PRDM5: variants seen among roughly 807,000 people sequenced by gnomAD.
PRDM5 encodes the protein PR/SET domain 5, also known as PR domain zinc finger protein 5.
In PRDM5, 56 loss-of-function variants were observed where a neutral mutation model predicts 81.2. The observed-to-expected ratio is 0.69, with a 90% confidence interval of 0.56 to 0.86. The LOEUF (loss-of-function observed/expected upper bound fraction) is 0.86, where lower values mean the gene tolerates loss of function less well. PRDM5 is among the 40% of genes least tolerant of loss of function. The probability of loss-of-function intolerance (pLI) is 0.00; values close to 1 mark genes in which losing one functional copy is unlikely to be tolerated. For synonymous variants in PRDM5, 267 were observed against 256.4 expected (o/e 1.04, Z -0.39); for missense variants, 697 against 770.1 (o/e 0.91, Z 1.12).
chr4:120,746,937 T>C (rs1182377216), intron 14 of PRDM5, among the ~76,000 whole-genome samples: 1 of 151,156 alleles, frequency 6.6e-6, no homozygotes, highest in African/African-American at 2.5e-5. Context: ...TTACTGGGTA[T>C]ATACCCAAAG....
At chr4:120,861,128 C>T (rs1376101) in intron 2 of PRDM5, among the ~76,000 whole-genome samples, 17,852 of 152,168 alleles carry the variant, frequency 0.12, 1,286 homozygotes, top group East Asian at 0.17. Context: ...CAGCCTCAGC[C>T]TCCCGAGTAG....
chr4:120,808,158 T>C (rs1468523039), intron 8 of PRDM5, among the ~76,000 whole-genome samples: 1 of 152,164 alleles, frequency 6.6e-6, no homozygotes, highest in Non-Finnish European at 1.5e-5. Flanking sequence ...GGGTTGCCAC[T>C]GCTGGCTGGG....
At chr4:120,755,392 T>G (rs897759781) in intron 13 of PRDM5, among the ~76,000 whole-genome samples, 1 of 152,240 alleles carries the variant, frequency 6.6e-6, no homozygotes, top group Admixed American at 6.5e-5. Flanking sequence ...TCAAAATCAC[T>G]AATTGATTTA....
At chr4:120,778,020 C>T (rs1267588441) in intron 12 of PRDM5, among the ~76,000 whole-genome samples, 1 of 151,964 alleles carries the variant, frequency 6.6e-6, no homozygotes, top group Non-Finnish European at 1.5e-5. Context: ...GTTTTGCTCC[C>T]AACATAAAAA....
intron 2 of PRDM5, among the ~76,000 whole-genome samples, chr4:120,854,899 G>T (rs991154501): frequency 6.6e-6 from 1 of 151,904 alleles, no homozygotes; most frequent in Admixed American, 6.6e-5. Context: ...AAGGAGAAAG[G>T]CCTTCGGTTT....
intron 1 of PRDM5, among the ~76,000 whole-genome samples, chr4:120,908,075 A>G (rs1219961542): frequency 6.6e-6 from 1 of 152,224 alleles, no homozygotes; most frequent in Non-Finnish European, 1.5e-5. Context: ...CACACTTTAA[A>G]CCATGCTTTC....
intron 7 of PRDM5, among the ~76,000 whole-genome samples, chr4:120,812,026 C>T (rs540729542): frequency 1.3e-5 from 2 of 152,208 alleles, no homozygotes; most frequent in South Asian, 2.1e-4. Flanking sequence ...ACCCCCTCCC[C>T]GCTACCCTTC....
At chr4:120,783,794 G>A (rs1578719320) in intron 11 of PRDM5, among the ~76,000 whole-genome samples, 1 of 151,990 alleles carries the variant, frequency 6.6e-6, no homozygotes, top group Non-Finnish European at 1.5e-5. Context: ...GCATAACACT[G>A]CCTTTTTTTA....
Position 120,781,132 on chromosome 4 carries a change from C to T in PRDM5, c.1443+11G>A, listed in dbSNP as rs1229021075. On this transcript the variant is annotated intron_variant, in intron 12 of 15. Coordinates refer to ENST00000264808, the MANE Select transcript of PRDM5 (RefSeq NM_018699.4). Reference sequence around the variant, plus strand: ...GTAATCTGTTCAAACTAACAGAAGACTTCCACTTACTTTCTTATGACTTCT... The same window carrying T: ...GTAATCTGTTCAAACTAACAGAAGATTTCCACTTACTTTCTTATGACTTCT... The T allele has an allele frequency of 1.9e-6, 3 of 1,610,388 alleles. No individual in the cohort carries two copies. Among genetic ancestry groups the T allele is most frequent in the Admixed American group, 1.7e-5 (1 of 59,952 alleles).
intron 15 of PRDM5, among the ~76,000 whole-genome samples, chr4:120,702,272 G>A (rs1295206157): frequency 6.6e-6 from 1 of 152,138 alleles, no homozygotes; most frequent in East Asian, 1.9e-4. Flanking sequence ...TTTGCTACTT[G>A]TAAGGTAATC....
chr4:120,869,333 T>A (rs1325540326), intron 2 of PRDM5, among the ~76,000 whole-genome samples: 1 of 152,202 alleles, frequency 6.6e-6, no homozygotes, highest in Non-Finnish European at 1.5e-5. Context: ...TGCATACTTT[T>A]TCAGCAGTGT....
At chr4:120,753,528 G>C (rs947221058) in intron 14 of PRDM5, among the ~76,000 whole-genome samples, 2 of 152,108 alleles carry the variant, frequency 1.3e-5, no homozygotes, top group East Asian at 1.9e-4. Context: ...ACAGAGGATA[G>C]CTTTTACGTG....
At chr4:120,857,250 T>C (rs911196295) in intron 2 of PRDM5, among the ~76,000 whole-genome samples, 6 of 152,060 alleles carry the variant, frequency 3.9e-5, no homozygotes, top group Non-Finnish European at 8.8e-5. Context: ...CCCAGCTATT[T>C]GGGAAGCTGA....
intron 14 of PRDM5, among the ~76,000 whole-genome samples, chr4:120,712,608 G>T (rs1737173249): frequency 6.6e-6 from 1 of 152,084 alleles, no homozygotes; most frequent in Non-Finnish European, 1.5e-5. Flanking sequence ...TACTACCTAT[G>T]TATGAATGGA....
chr4:120,701,301 T>G (rs536280896), intron 15 of PRDM5, among the ~76,000 whole-genome samples: 1 of 152,274 alleles, frequency 6.6e-6, no homozygotes, highest in East Asian at 1.9e-4. Context: ...AGAACTACCA[T>G]TCGATCTAGT....
chr4:120,909,478 T>G (rs1766230439), intron 1 of PRDM5, among the ~76,000 whole-genome samples: 1 of 152,182 alleles, frequency 6.6e-6, no homozygotes, highest in Non-Finnish European at 1.5e-5. Context: ...TATGAATGAA[T>G]GTGGTTCCAT....
intron 4 of PRDM5, among the ~76,000 whole-genome samples, chr4:120,819,042 A>T (rs1319875057): frequency 2.0e-5 from 3 of 152,244 alleles, no homozygotes; most frequent in Admixed American, 6.5e-5. Context: ...CAAATTTCTC[A>T]GCGTGCTATT....
In PRDM5 at chr4:120,907,473, C is replaced by A; in HGVS notation, c.177+1G>T. The A allele has an allele frequency of 1.3e-6, 2 of 1,593,210 alleles. No homozygotes were observed. The highest frequency in any genetic ancestry group is 1.7e-6 in the Non-Finnish European group (2 of 1,161,104). On this transcript the variant is annotated splice_donor_variant, in intron 2 of 15. Transcript: ENST00000264808. LOFTEE classifies it high-confidence loss of function. The stretch of plus-strand genomic sequence containing the variant: ...AACATTAAAATAAGTCATATCCTCA[C>A]CTCCCACATCAACCTGTAATCCATA...
chr4:120,782,175 C>A (rs775752530), intron 11 of PRDM5, among the ~76,000 whole-genome samples: 1 of 152,098 alleles, frequency 6.6e-6, no homozygotes, highest in Non-Finnish European at 1.5e-5. Context: ...TGTTTAATAA[C>A]AATACGGTAT....
Sources: allele counts gnomAD v4.1 joint callset (sites outside exome capture counted in the v4.1 genomes callset), GRCh38; gene constraint gnomAD v4.1.1; transcripts MANE v1.5; gene names NCBI Gene and HGNC (gene_info 2026-07-23, HGNC 2026-07-21).